NUP214: variants seen among roughly 807,000 people sequenced by gnomAD.
The protein encoded by NUP214 is nucleoporin 214.
A neutral mutation model predicts 196.2 loss-of-function variants in NUP214; 79 were observed. The observed-to-expected ratio is 0.40, with a 90% confidence interval of 0.34 to 0.49. NUP214 has a LOEUF of 0.49. NUP214 is among the 20% of genes least tolerant of loss of function. The probability of loss-of-function intolerance (pLI) is 0.58; values close to 1 mark genes in which losing one functional copy is unlikely to be tolerated. For missense variants in NUP214, 2,468 were observed against 2,539.0 expected (o/e 0.97, Z 0.60); for synonymous variants, 1,020 against 990.5 (o/e 1.03, Z -0.56).
rs757476933 is a variant in NUP214, at chr9:131,198,678, G to C, written c.5184G>C (p.Gln1728His). Residue 1728 changes from glutamine to histidine, a missense_variant, in exon 29 of 36, where the codon CAG (glutamine) becomes CAC (histidine). Physicochemically the swap from Gln to His is conservative, Grantham distance 24. This residue lies in a region of NUP214 where 1,801 missense variants were observed against 1,779.4 expected (regional missense o/e 1.01). Coordinates refer to ENST00000359428, the MANE Select transcript of NUP214 (RefSeq NM_005085.4). ...PGVFGQTTFG[Q>H]ASVFGQSASS... is the part of the protein sequence containing the mutation. Reference sequence around the variant, plus strand: ...TCTTTGGACAGACAACCTTCGGGCAGGCCTCAGTCTTTGGGCAGTCGGCGA... The same window carrying C: ...TCTTTGGACAGACAACCTTCGGGCACGCCTCAGTCTTTGGGCAGTCGGCGA... 3 of 1,614,244 alleles carry C rather than the reference G, an allele frequency of 1.9e-6. No homozygotes were observed. The highest frequency in any genetic ancestry group is 1.3e-5 in the African/African-American group (1 of 75,074).
chr9:131,201,835 G>A, intron 30 of NUP214, 118 bp downstream of exon 30: 1 of 861,550 alleles, frequency 1.2e-6, no homozygotes, highest in Non-Finnish European at 1.9e-6. Context: ...GCCCTGTGTG[G>A]TTCTTAAGCT....
At chr9:131,160,215 A>C (rs1026663715) in intron 18 of NUP214, among the ~76,000 whole-genome samples, 1 of 152,202 alleles carries the variant, frequency 6.6e-6, no homozygotes, top group African/African-American at 2.4e-5. Context: ...GTAATATAAA[A>C]ATTTAATAAG....
At chr9:131,147,662 TC>T (rs746811859) in intron 14 of NUP214, 78 bp downstream of exon 14, 28 of 1,095,500 alleles carry the variant, frequency 2.6e-5, no homozygotes, top group Non-Finnish European at 3.9e-5. Flanking sequence ...AAATGAGTTT[TC>T]ATGTTTTATA....
Position 131,208,969 on chromosome 9 carries a change from C to T in NUP214, c.5593-6243C>T, listed in dbSNP as rs531576751. On this transcript the variant is annotated intron_variant, in intron 30 of 35. Coordinates refer to ENST00000359428, the MANE Select transcript of NUP214 (RefSeq NM_005085.4). ...CGGAGGTTGCAGTGAGCCGAGATCA[C>T]GCCACTGCACTCCAGCCTGGGCGAC... Among the ~76,000 whole-genome samples, 6 of 151,942 alleles carry T rather than the reference C, an allele frequency of 3.9e-5. No homozygotes were observed. In the South Asian group the frequency reaches 1.0e-3, roughly 26 times the overall value.
Position 131,175,537 on chromosome 9 carries a change from G to T in NUP214, c.3235G>T (p.Ala1079Ser). ...MLATKTVKHG[A>S]PSPSHPISAP... ...TGCCACGAAAACCGTGAAACATGGT[G>T]CACCTAGTCCTTCCCACCCCATCTC... The change falls in exon 23 of 36, where the codon GCA (alanine) becomes TCA (serine). Residue 1079 changes from alanine (A) to serine (S), a missense_variant. Transcript: ENST00000359428. 1 of 1,614,218 alleles carries T rather than the reference G, an allele frequency of 6.2e-7. No homozygotes were observed. Among genetic ancestry groups the T allele is most frequent in the Non-Finnish European group, 8.5e-7 (1 of 1,180,038 alleles).
At chr9:131,137,866 A>G (rs1831785710) in intron 9 of NUP214, among the ~76,000 whole-genome samples, 1 of 151,902 alleles carries the variant, frequency 6.6e-6, no homozygotes, top group South Asian at 2.1e-4. Flanking sequence ...ATAACTCTTG[A>G]TCTTCCACTT....
rs183221207 is a variant in NUP214, at chr9:131,223,099, T to C, written c.5902+169T>C. Among the ~76,000 whole-genome samples the C allele has an allele frequency of 1.5e-3, 221 of 152,346 alleles. 1 individual carries two copies. Among genetic ancestry groups the C allele is most frequent in the Non-Finnish European group, 2.3e-3 (156 of 68,028 alleles). On this transcript the variant is annotated intron_variant, in intron 32 of 35. Coordinates refer to ENST00000359428, the MANE Select transcript of NUP214 (RefSeq NM_005085.4). The stretch of plus-strand genomic sequence containing the variant: ...TTATATTTACTGAGCATCTGCTACA[T>C]TCCTAACATGATTCCAGGTCTTCCA...
chr9:131,180,433 A>T (rs140222810), intron 24 of NUP214, among the ~76,000 whole-genome samples: 339 of 152,330 alleles, frequency 2.2e-3, no homozygotes, highest in African/African-American at 7.8e-3. Context: ...TTTTATTTTT[A>T]AAATTATTTT....
At chr9:131,209,877 G>A (rs559486651) in intron 30 of NUP214, among the ~76,000 whole-genome samples, 1 of 152,104 alleles carries the variant, frequency 6.6e-6, no homozygotes, top group East Asian at 1.9e-4. Flanking sequence ...ACATTCTCCT[G>A]TTTTCTGGAA....
intron 28 of NUP214, among the ~76,000 whole-genome samples, chr9:131,196,361 G>T (rs1227073424): frequency 1.3e-5 from 2 of 151,988 alleles, no homozygotes; most frequent in Non-Finnish European, 2.9e-5. Context: ...GTTTCACCAT[G>T]TTGATTGATC....
rs988082402 is a variant in NUP214 at position 131,172,115 on chromosome 9, T to C, written c.2894-1940T>C. On this transcript the variant is annotated intron_variant, in intron 21 of 35. Coordinates refer to ENST00000359428, the MANE Select transcript of NUP214 (RefSeq NM_005085.4). ...AATGGTATTTCTAGTTCTAGATCCC[T>C]GAGGAATCGCCACACTGACTTCCAC... is the stretch of plus-strand genomic sequence containing the variant. Among the ~76,000 whole-genome samples the C allele has an allele frequency of 2.3e-3, 343 of 150,966 alleles. 4 individuals carry two copies. Among genetic ancestry groups the C allele is most frequent in the African/African-American group, 8.0e-3 (329 of 41,116 alleles).
intron 21 of NUP214, among the ~76,000 whole-genome samples, chr9:131,170,416 G>C (rs1311123731): frequency 6.6e-6 from 1 of 152,184 alleles, no homozygotes; most frequent in African/African-American, 2.4e-5. Flanking sequence ...CTTGAGAATT[G>C]ACATTTGTGC....
chr9:131,201,858 G>C (rs1241006978), intron 30 of NUP214, 141 bp downstream of exon 30: 1 of 706,822 alleles, frequency 1.4e-6, no homozygotes, highest in Non-Finnish European at 2.5e-6. Flanking sequence ...ACTCCCTTCA[G>C]CTGCCTTGGA....
Position 131,201,648 on chromosome 9 carries a change from T to G in NUP214, c.5523T>G (p.Gly1841=). The G allele has an allele frequency of 6.2e-7, 1 of 1,612,736 alleles. No individual in the cohort carries two copies. Among genetic ancestry groups the G allele is most frequent in the Non-Finnish European group, 8.5e-7 (1 of 1,178,818 alleles). The stretch of plus-strand genomic sequence containing the variant: ...TTTTGTTTTCTTTGTATTTTACAGG[T>G]TTTGGGTCTAGTAATACTGGTTCTG... The part of the protein sequence containing the change: ...TSGFSFCQAS[G]FGSSNTGSVF... Residue 1841 remains glycine (G), a splice_region_variant and synonymous_variant, in exon 30 of 36, where the codon GGT becomes GGG. Transcript: ENST00000359428.
rs75640495 is a variant in NUP214, at chr9:131,164,212, C to T, written c.2893+68C>T. The T allele has an allele frequency of 7.2e-4, 1,002 of 1,387,752 alleles. 4 individuals are homozygous for T. The East Asian group carries it at 0.017, about 23-fold the overall frequency. The allele number at this position is 1,387,752 out of a possible 1,614,324, so 86.0% of individuals were successfully genotyped here. A position where few individuals can be genotyped will look rare whatever the true frequency, so the allele number is the denominator to read the frequency against. ...GTGGTGGGGTGTGTGTGTGTGCGCGCGCACATGCACGTGTGCATGTGTGAG... is the reference window on the plus strand; with the variant it reads ...GTGGTGGGGTGTGTGTGTGTGCGCGTGCACATGCACGTGTGCATGTGTGAG... On this transcript the variant is annotated intron_variant, in intron 21 of 35. Coordinates refer to ENST00000359428, the MANE Select transcript of NUP214 (RefSeq NM_005085.4).
intron 19 of NUP214, 129 bp from the exon 20 acceptor site, chr9:131,163,741 C>T (rs1832709746): frequency 1.4e-6 from 1 of 699,488 alleles, no homozygotes; most frequent in African/African-American, 1.8e-5. Context: ...ATCAGTTGGT[C>T]AGATGGCATG....
chr9:131,225,791 A>G (rs1160485365), intron 32 of NUP214, among the ~76,000 whole-genome samples: 1 of 152,250 alleles, frequency 6.6e-6, no homozygotes, highest in East Asian at 1.9e-4. Flanking sequence ...TTGCTTTAAG[A>G]GAGATTTTAA....
intron 23 of NUP214, among the ~76,000 whole-genome samples, chr9:131,176,685 G>A (rs1003677286): frequency 7.2e-5 from 11 of 152,192 alleles, no homozygotes; most frequent in Admixed American, 5.2e-4. Flanking sequence ...GCGCTAATAA[G>A]TCAGTTAGCA....
chr9:131,147,730 G>T, intron 14 of NUP214, 146 bp downstream of exon 14: 1 of 643,734 alleles, frequency 1.6e-6, no homozygotes, highest in South Asian at 1.9e-5. Context: ...CAAAGTGCGA[G>T]GTTTGAATAC....
Sources: gnomAD v4.1 joint callset for allele counts (sites outside exome capture counted in the v4.1 genomes callset) on GRCh38, gnomAD v4.1.1 for gene constraint, gnomAD v4.1.1 regional missense constraint, MANE v1.5 for transcripts, NCBI Gene and HGNC (gene_info 2026-07-23, HGNC 2026-07-21) for gene names.